Variants in PTPRD observed in about 807,000 individuals in gnomAD.
PTPRD encodes receptor-type tyrosine-protein phosphatase delta.
In PTPRD, 34 loss-of-function variants were observed where a neutral mutation model predicts 214.5. The ratio of observed to expected loss-of-function variants is 0.16; its 90% CI spans 0.12 to 0.21. PTPRD has a LOEUF of 0.21. Among genes scored for constraint, PTPRD ranks in the 10% least tolerant of loss-of-function variants. The probability of loss-of-function intolerance (pLI) is 1.00; values close to 1 mark genes in which losing one functional copy is unlikely to be tolerated. For missense variants in PTPRD, 2,545 were observed against 2,398.7 expected, an observed-to-expected ratio of 1.06 and a Z score of -1.27; for synonymous variants, 1,128 against 845.7, an observed-to-expected ratio of 1.33 and a Z score of -5.79.
At chr9:9,777,128 A>C (rs969396412) in intron 5 of PTPRD, among the ~76,000 whole-genome samples, 2 of 152,226 alleles carry the variant, frequency 1.3e-5, no homozygotes, top group African/African-American at 4.8e-5. Flanking sequence ...TAGTAAGAAC[A>C]CTGGAAAGTA....
At chr9:9,077,662 T>G (rs891978697) in intron 10 of PTPRD, among the ~76,000 whole-genome samples, 3 of 152,056 alleles carry the variant, frequency 2.0e-5, no homozygotes, top group Admixed American at 2.0e-4. Flanking sequence ...TAATGCACCC[T>G]GATTGGGAGA....
At chr9:9,904,401 T>C (rs1170509306) in intron 5 of PTPRD, among the ~76,000 whole-genome samples, 1 of 144,092 alleles carries the variant, frequency 6.9e-6, no homozygotes, top group Non-Finnish European at 1.5e-5. Context: ...TCTTCTACAG[T>C]TGTTTTCAAA....
At chr9:8,432,796 T>C (rs1051794622) in intron 35 of PTPRD, among the ~76,000 whole-genome samples, 7 of 152,308 alleles carry the variant, frequency 4.6e-5, no homozygotes, top group Admixed American at 1.3e-4. Flanking sequence ...TAAGGCACAG[T>C]AGAGTCAATT....
At position 9,716,315 on chromosome 9, in the gene PTPRD, C is replaced by T. The variant is rs547402390; in HGVS notation, c.-287+18218G>A. 5.9e-4 allele frequency among the ~76,000 whole-genome samples: 90 copies of T among 151,726 alleles called. No individual in the cohort carries two copies. The South Asian group carries it at 7.1e-3, about 12-fold the overall frequency. On this transcript the variant is annotated intron_variant, in intron 7 of 45. Transcript: ENST00000381196. The stretch of plus-strand genomic sequence containing the variant: ...TGTGAATAGTGCTGTAATAAACATA[C>T]GTGTGCATGTGTCTTTATAGCAGCA...
At chr9:10,070,620 A>G (rs1207947317) in intron 3 of PTPRD, among the ~76,000 whole-genome samples, 1 of 151,998 alleles carries the variant, frequency 6.6e-6, no homozygotes, top group Admixed American at 6.6e-5. Context: ...ATTACTATAT[A>G]CTTCTTTGAT....
chr9:9,119,921 C>G (rs2099816026), intron 10 of PTPRD, among the ~76,000 whole-genome samples: 1 of 151,778 alleles, frequency 6.6e-6, no homozygotes, highest in South Asian at 2.1e-4. Context: ...ACTACTCTGA[C>G]TAGATCGCTA....
intron 6 of PTPRD, among the ~76,000 whole-genome samples, chr9:9,753,537 T>C (rs1320986221): frequency 6.6e-6 from 1 of 152,056 alleles, no homozygotes; most frequent in African/African-American, 2.4e-5. Flanking sequence ...TCTTGTGTGT[T>C]TGCTTGTTAT....
At chr9:9,855,566 A>G (rs973763490) in intron 5 of PTPRD, among the ~76,000 whole-genome samples, 2 of 152,126 alleles carry the variant, frequency 1.3e-5, no homozygotes, top group African/African-American at 4.8e-5. Flanking sequence ...TCATTTCCTC[A>G]ACCTGCCGCT....
chr9:8,581,857 G>T (rs2093159109), intron 14 of PTPRD, among the ~76,000 whole-genome samples: 1 of 141,882 alleles, frequency 7.0e-6, no homozygotes, highest in Non-Finnish European at 1.5e-5. Context: ...TGGGGAGGTG[G>T]AGGCGAGTTC....
At chr9:9,265,083 A>C (rs1938608561) in intron 9 of PTPRD, among the ~76,000 whole-genome samples, 1 of 151,740 alleles carries the variant, frequency 6.6e-6, no homozygotes, top group African/African-American at 2.4e-5. Flanking sequence ...TAGTAATATG[A>C]AAACATATGC....
intron 8 of PTPRD, among the ~76,000 whole-genome samples, chr9:9,529,176 C>A (rs1038936143): frequency 1.3e-5 from 2 of 151,642 alleles, no homozygotes; most frequent in African/African-American, 4.8e-5. Context: ...TCGTGATCCG[C>A]CCGCCTTGGC....
At chr9:8,991,266 T>A (rs947784826) in intron 11 of PTPRD, among the ~76,000 whole-genome samples, 10 of 151,814 alleles carry the variant, frequency 6.6e-5, no homozygotes, top group Non-Finnish European at 1.2e-4. Flanking sequence ...CTGGGTCATT[T>A]GATCTTCATC....
At chr9:8,973,980 A>G (rs2381934) in intron 11 of PTPRD, among the ~76,000 whole-genome samples, 20,113 of 152,044 alleles carry the variant, frequency 0.13, 1,605 homozygotes, top group South Asian at 0.21. Flanking sequence ...AGATTCATTG[A>G]AAGTATGTTC....
At chr9:9,372,981 T>A (rs1384464891) in intron 9 of PTPRD, among the ~76,000 whole-genome samples, 1 of 152,128 alleles carries the variant, frequency 6.6e-6, no homozygotes, top group African/African-American at 2.4e-5. Context: ...AATACCAGTT[T>A]AGAGTCTCAC....
chr9:10,011,615 G>T (rs773622917), intron 4 of PTPRD, among the ~76,000 whole-genome samples: 3 of 151,884 alleles, frequency 2.0e-5, no homozygotes, highest in Non-Finnish European at 4.4e-5. Flanking sequence ...GATAATATTT[G>T]TGTTTTTGGT....
Position 8,596,203 on chromosome 9 carries a change from T to A in PTPRD, c.352+37114A>T, listed in dbSNP as rs150806610. ...AAATAATATAGTATTTTGCATATCA[T>A]GAATTATCTTAATATGAAAATAATA... On this transcript the variant is annotated intron_variant, in intron 14 of 45. Transcript: ENST00000381196. Among the ~76,000 whole-genome samples, 501 of 152,216 alleles carry A rather than the reference T, an allele frequency of 3.3e-3. 5 individuals are homozygous for A. The highest frequency in any genetic ancestry group is 0.012 in the African/African-American group (485 of 41,564).
chr9:10,523,601 G>GTGTATATATATATATA (rs1459526758), intron 2 of PTPRD, among the ~76,000 whole-genome samples: 2 of 64,336 alleles, frequency 3.1e-5, no homozygotes, highest in African/African-American at 5.1e-5. Context: ...ATATTTATCT[G>GTGTATATATATATATA]TATATATATA....
intron 39 of PTPRD, among the ~76,000 whole-genome samples, chr9:8,363,711 C>A (rs1298545182): frequency 1.3e-5 from 2 of 152,224 alleles, no homozygotes; most frequent in East Asian, 3.9e-4. Context: ...TATTGGGGCT[C>A]AAAAGTTTGA....
At chr9:8,772,306 G>GT (rs953636171) in intron 11 of PTPRD, among the ~76,000 whole-genome samples, 45 of 152,018 alleles carry the variant, frequency 3.0e-4, no homozygotes, top group Admixed American at 7.9e-4. Context: ...AGACAGTGTA[G>GT]TTTTTTATCT....
Sources: gnomAD v4.1 joint callset for allele counts (sites outside exome capture counted in the v4.1 genomes callset) on GRCh38, gnomAD v4.1.1 for gene constraint, MANE v1.5 for transcripts, NCBI Gene and HGNC (gene_info 2026-07-23, HGNC 2026-07-21) for gene names.